Variants in ATP6V0D2 observed in about 807,000 individuals in gnomAD.
ATP6V0D2 encodes ATPase H+ transporting V0 subunit d2, also known as V-type proton ATPase subunit d 2.
In ATP6V0D2, 40 loss-of-function variants were observed where a neutral mutation model predicts 40.0. That is an observed-to-expected ratio of 1.00 (90% CI 0.78 to 1.30). ATP6V0D2 has a LOEUF of 1.30. Among genes scored for constraint, ATP6V0D2 ranks in the 50% most tolerant of loss-of-function variants. The pLI is 0.00. For missense variants in ATP6V0D2, 470 were observed against 423.1 expected (o/e 1.11, Z -0.97); for synonymous variants, 179 against 156.3 (o/e 1.15, Z -1.08).
chr8:86,102,291 G>A (rs1166516906), intron 1 of ATP6V0D2, among the ~76,000 whole-genome samples: 5 of 151,756 alleles, frequency 3.3e-5, no homozygotes, highest in African/African-American at 1.2e-4. Flanking sequence ...TACTTAAGGA[G>A]ACTCAGTCTG....
intron 5 of ATP6V0D2, among the ~76,000 whole-genome samples, chr8:86,147,310 G>A (rs957142625): frequency 1.7e-4 from 26 of 152,144 alleles, no homozygotes; most frequent in African/African-American, 5.1e-4. Context: ...ATGTGCAACC[G>A]ATAGTGATTT....
At chr8:86,102,334 A>AAGGGC (rs57643911) in intron 1 of ATP6V0D2, among the ~76,000 whole-genome samples, 68,200 of 151,500 alleles carry the variant, frequency 0.45, 15,513 homozygotes, top group East Asian at 0.51. Flanking sequence ...AGAAGAAATC[A>AAGGGC]ACTTGTTGGA....
At chr8:86,150,418 T>G (rs554489887) in intron 6 of ATP6V0D2, 130 bp downstream of exon 6, 99 of 969,798 alleles carry the variant, frequency 1.0e-4, no homozygotes, top group African/African-American at 1.0e-3. Context: ...CAATCAGTGT[T>G]TCTTGCTGAA....
chr8:86,113,975 A>C, intron 2 of ATP6V0D2, 95 bp downstream of exon 2: 1 of 1,179,286 alleles, frequency 8.5e-7, no homozygotes, highest in Non-Finnish European at 1.2e-6. Flanking sequence ...AGTGAGACTT[A>C]AGACCTTTTC....
intron 2 of ATP6V0D2, among the ~76,000 whole-genome samples, chr8:86,138,508 G>A (rs979368939): frequency 6.6e-6 from 1 of 151,978 alleles, no homozygotes; most frequent in Admixed American, 6.6e-5. Context: ...GAGTGAACCA[G>A]GACATGCACC....
At chr8:86,102,794 G>T (rs972473355) in intron 1 of ATP6V0D2, among the ~76,000 whole-genome samples, 1 of 152,114 alleles carries the variant, frequency 6.6e-6, no homozygotes, top group Non-Finnish European at 1.5e-5. Context: ...TCTTTCCTAG[G>T]TACAGAAGAA....
chr8:86,130,891 A>G (rs1330650588), intron 2 of ATP6V0D2, among the ~76,000 whole-genome samples: 2 of 151,904 alleles, frequency 1.3e-5, no homozygotes, highest in Non-Finnish European at 2.9e-5. Context: ...TTCTGTTCTC[A>G]AGGTCTGGGT....
At chr8:86,147,728 G>A (rs1041076073) in intron 5 of ATP6V0D2, among the ~76,000 whole-genome samples, 1 of 152,186 alleles carries the variant, frequency 6.6e-6, no homozygotes, top group Non-Finnish European at 1.5e-5. Flanking sequence ...TCCAATTAGA[G>A]AAGAAATGGA....
At chr8:86,123,942 A>G (rs1818706665) in intron 2 of ATP6V0D2, among the ~76,000 whole-genome samples, 1 of 152,156 alleles carries the variant, frequency 6.6e-6, no homozygotes, top group Non-Finnish European at 1.5e-5. Flanking sequence ...TCTGGTCATG[A>G]ACATAGATAT....
At chr8:86,128,139 C>G (rs116877797) in intron 2 of ATP6V0D2, among the ~76,000 whole-genome samples, 1 of 152,014 alleles carries the variant, frequency 6.6e-6, no homozygotes, top group African/African-American at 2.4e-5. Context: ...GAGGCTGAGG[C>G]GGGCAGAGAC....
intron 2 of ATP6V0D2, among the ~76,000 whole-genome samples, chr8:86,114,643 G>T (rs117432176): frequency 5.9e-5 from 9 of 151,886 alleles, no homozygotes; most frequent in Non-Finnish European, 1.0e-4. Flanking sequence ...GCACTCCAGC[G>T]AGGGCGACAG....
chr8:86,137,803 A>G (rs1464340848), intron 2 of ATP6V0D2, among the ~76,000 whole-genome samples: 3 of 152,082 alleles, frequency 2.0e-5, no homozygotes, highest in Non-Finnish European at 1.5e-5. Context: ...CAGCTCTCCT[A>G]CTTGTCAGCT....
chr8:86,150,167 T>G lies in ATP6V0D2; in HGVS notation c.695T>G (p.Leu232Trp), dbSNP rs767202334. 3 of 1,613,630 alleles carry G rather than the reference T, an allele frequency of 1.9e-6. No homozygotes were observed. The South Asian group carries it at 3.3e-5, about 18-fold the overall frequency. The change falls in exon 6 of 8, where the codon TTG (leucine) becomes TGG (tryptophan). Residue 232 changes from leucine (L) to tryptophan (W), a missense_variant. Physicochemically the swap from Leu to Trp is moderately conservative, Grantham distance 61. Transcript: ENST00000285393. ...ACTCTTAACTCCTTTGGCACTGAAT[T>G]GAGCAAAGAAGACCGAGAGACCCTC... ...IITLNSFGTE[L>W]SKEDRETLYP...
Position 86,139,437 on chromosome 8 carries a change from T to C in ATP6V0D2, c.303-20T>C, listed in dbSNP as rs1818943325. 1 of 1,584,174 alleles carries C rather than the reference T, an allele frequency of 6.3e-7. No individual in the cohort carries two copies. The highest frequency in any genetic ancestry group is 1.4e-5 in the African/African-American group (1 of 73,940). On this transcript the variant is annotated intron_variant, in intron 2 of 7. Transcript: ENST00000285393. ...CCTTTTGCAGCTGTCCTCTAATGAT[T>C]GAGTTGTCTTCTGAACCAGGTGCAG...
At chr8:86,136,181 C>A (rs1250836451) in intron 2 of ATP6V0D2, among the ~76,000 whole-genome samples, 5 of 152,150 alleles carry the variant, frequency 3.3e-5, no homozygotes, top group African/African-American at 1.2e-4. Context: ...TGAACCCCAT[C>A]TATAAAGCCC....
chr8:86,149,076 C>CAAAAAAAAAAAAAAAAAACAGAA (rs1563567503), intron 5 of ATP6V0D2, among the ~76,000 whole-genome samples: 1 of 114,924 alleles, frequency 8.7e-6, no homozygotes. Flanking sequence ...AAAAAAAAAA[C>CAAAAAAAAAAAAAAAAAACAGAA]CAATGAACAA....
intron 5 of ATP6V0D2, among the ~76,000 whole-genome samples, chr8:86,149,545 T>C (rs1305446018): frequency 1.3e-5 from 2 of 152,150 alleles, no homozygotes; most frequent in Non-Finnish European, 2.9e-5. Context: ...GCTACAGTCT[T>C]AGATTTATTG....
rs1464695317 is a variant in ATP6V0D2, at chr8:86,153,332, C to G, written c.*355C>G. On this transcript the variant is annotated 3_prime_UTR_variant, in exon 8 of 8. Coordinates refer to ENST00000285393, the MANE Select transcript of ATP6V0D2 (RefSeq NM_152565.1). The stretch of plus-strand genomic sequence containing the variant: ...CCATGCTTCTCTACAGGTCCAAATA[C>G]TGAATGTCTCCTTTACTTTTTCTCT... 1 of 160,112 alleles carries G rather than the reference C, an allele frequency of 6.2e-6. No homozygotes were observed. The highest frequency in any genetic ancestry group is 2.4e-5 in the African/African-American group (1 of 41,560). The allele number at this position is 160,112 out of a possible 1,614,324, so 9.9% of individuals were successfully genotyped here. A position where few individuals can be genotyped will look rare whatever the true frequency, so the allele number is the denominator to read the frequency against.
intron 1 of ATP6V0D2, 51 bp downstream of exon 1, chr8:86,099,159 G>C (rs762944346): frequency 3.4e-6 from 5 of 1,489,420 alleles, no homozygotes; most frequent in South Asian, 2.6e-5. Flanking sequence ...AAAATGAAAT[G>C]ATGTCCCTCT....
Sources: allele counts gnomAD v4.1 joint callset (sites outside exome capture counted in the v4.1 genomes callset), GRCh38; gene constraint gnomAD v4.1.1; transcripts MANE v1.5; gene names NCBI Gene and HGNC (gene_info 2026-07-23, HGNC 2026-07-21).